TACO1: variants seen among roughly 807,000 people sequenced by gnomAD.
TACO1 encodes translational activator of cytochrome c oxidase 1.
TACO1 carries 13 observed loss-of-function variants against 24.0 expected under a neutral mutation model. That is an observed-to-expected ratio of 0.54 (90% CI 0.35 to 0.86). The LOEUF (loss-of-function observed/expected upper bound fraction) is 0.86. Ranked by LOEUF, TACO1 falls within the 40% of genes least tolerant of loss-of-function variation. The pLI, the probability that TACO1 is intolerant of heterozygous loss-of-function variation, is 0.01. For synonymous variants in TACO1, 149 were observed against 153.5 expected (o/e 0.97, Z 0.22); for missense variants, 352 against 380.1 (o/e 0.93, Z 0.61).
At chr17:63,603,755 C>G (rs11867201) in intron 1 of TACO1, among the ~76,000 whole-genome samples, 1,925 of 151,844 alleles carry the variant, frequency 0.013, 13 homozygotes, top group South Asian at 0.026. Context: ...GTGGCCCACA[C>G]CTGTAATCCC....
At chr17:63,602,090 C>CAAAAAAAAAAA (rs11288092) in intron 1 of TACO1, among the ~76,000 whole-genome samples, 305 of 81,100 alleles carry the variant, frequency 3.8e-3, no homozygotes, top group Non-Finnish European at 4.5e-3. Flanking sequence ...CTAAAAATAA[C>CAAAAAAAAAAA]AAAAAAAAAA....
chr17:63,604,589 T>G lies in TACO1; in HGVS notation c.336T>G (p.Cys112Trp). The stretch of plus-strand genomic sequence containing the variant: ...ACCTGGCCAATATCTTAGAGGTGTG[T>G]CGCAGCAAACATATGCCCAAGTCAA... Reference protein sequence around the residue: ...NSNLANILEVCRSKHMPKSTI... With the variant: ...NSNLANILEVWRSKHMPKSTI... The change falls in exon 2 of 5, where the codon TGT becomes TGG. Residue 112 changes from cysteine (C) to tryptophan (W), a missense_variant. Transcript: ENST00000258975. 1 of 1,614,148 alleles carries G rather than the reference T, an allele frequency of 6.2e-7. No homozygotes were observed. Among genetic ancestry groups the G allele is most frequent in the African/African-American group, 1.3e-5 (1 of 75,014 alleles).
At chr17:63,601,506 C>T (rs2033821576) in intron 1 of TACO1, 143 bp downstream of exon 1, 1 of 907,712 alleles carries the variant, frequency 1.1e-6, no homozygotes, top group Non-Finnish European at 1.7e-6. Context: ...TTGCCCACCT[C>T]ATAAATCCTC....
At position 63,607,826 on chromosome 17, in the gene TACO1, C is replaced by T; in HGVS notation, c.718C>T (p.His240Tyr). The T allele has an allele frequency of 6.2e-7, 1 of 1,614,148 alleles. No individual in the cohort carries two copies. Among genetic ancestry groups the T allele is most frequent in the Non-Finnish European group, 8.5e-7 (1 of 1,180,028 alleles). Reference protein sequence around the residue: ...FKFICDASSLHQVRKKLDSLG... With the variant: ...FKFICDASSLYQVRKKLDSLG... Reference sequence around the variant, plus strand: ...GTTTATTTGTGATGCCTCTTCACTGCACCAAGTGAGGAAGAAGCTGGACTC... The same window carrying T: ...GTTTATTTGTGATGCCTCTTCACTGTACCAAGTGAGGAAGAAGCTGGACTC... The change falls in exon 5 of 5, where the codon CAC becomes TAC. Residue 240 changes from histidine to tyrosine, a missense_variant. Physicochemically the swap from His to Tyr is moderately conservative, Grantham distance 83. Coordinates refer to ENST00000258975, the MANE Select transcript of TACO1 (RefSeq NM_016360.4).
Position 63,607,079 on chromosome 17 carries a change from C to T in TACO1, c.516-208C>T, listed in dbSNP as rs138662502. On this transcript the variant is annotated intron_variant, in intron 3 of 4. Transcript: ENST00000258975. ...AAGTCTGCTTCCTCCCAACTGCAAT[C>T]AGGGCAGAAAATCGAGCGTGGGGAC... is the stretch of plus-strand genomic sequence containing the variant. 152 of 607,344 alleles carry T rather than the reference C, an allele frequency of 2.5e-4. No individual in the cohort carries two copies. In the East Asian group the frequency reaches 3.8e-3, roughly 15 times the overall value. The allele number at this position is 607,344 out of a possible 1,614,324, so 37.6% of individuals were successfully genotyped here. A position where few individuals can be genotyped will look rare whatever the true frequency, so the allele number is the denominator to read the frequency against.
intron 4 of TACO1, 35 bp downstream of exon 4, chr17:63,607,499 C>T (rs1045379520): frequency 1.1e-5 from 18 of 1,611,050 alleles, no homozygotes; most frequent in Admixed American, 5.0e-5. Flanking sequence ...GGTGGGCTTC[C>T]GGGAGGACCC....
chr17:63,605,057 G>A (rs1454073564), intron 2 of TACO1, among the ~76,000 whole-genome samples: 2 of 151,892 alleles, frequency 1.3e-5, no homozygotes, highest in East Asian at 3.9e-4. Flanking sequence ...TAGCAATGTA[G>A]TTGACGCCCT....
chr17:63,607,139 C>A, intron 3 of TACO1, 148 bp from the exon 4 acceptor site: 1 of 772,802 alleles, frequency 1.3e-6, no homozygotes, highest in Non-Finnish European at 2.2e-6. Flanking sequence ...GCAGCAGCTG[C>A]ATTTTCTCCT....
chr17:63,602,283 AG>A (rs2033828514), intron 1 of TACO1, among the ~76,000 whole-genome samples: 1 of 146,896 alleles, frequency 6.8e-6, no homozygotes, highest in Non-Finnish European at 1.5e-5. Flanking sequence ...AAAAAAAAAG[AG>A]AGAGAAACTG....
At chr17:63,602,764 A>G (rs1304623506) in intron 1 of TACO1, among the ~76,000 whole-genome samples, 2 of 151,966 alleles carry the variant, frequency 1.3e-5, no homozygotes, top group African/African-American at 4.8e-5. Context: ...TCCTGACCTC[A>G]AATGATCTAC....
chr17:63,607,999 A>G lies in TACO1; in HGVS notation c.891A>G (p.Glu297=). The G allele has an allele frequency of 6.2e-7, 1 of 1,614,128 alleles. No individual in the cohort carries two copies. Among genetic ancestry groups the G allele is most frequent in the Non-Finnish European group, 8.5e-7 (1 of 1,180,040 alleles). Residue 297 remains glutamate, a synonymous_variant, in exon 5 of 5, where the codon GAA becomes GAG. Transcript: ENST00000258975. ...TGATTCACGTCTATGATAACATTGA[A>G]TAACCAGGCTACATGTGCCCCCGGG... The part of the protein sequence containing the change: ...EDVIHVYDNI[E]
At position 63,601,761 on chromosome 17, in the gene TACO1, G is replaced by C. The variant is rs549297528; in HGVS notation, c.280+398G>C. On this transcript the variant is annotated intron_variant, in intron 1 of 4. Coordinates refer to ENST00000258975, the MANE Select transcript of TACO1 (RefSeq NM_016360.4). ...AAGTACCTTATTGGTTGTGGCAGGGGCACTGAGTAAAGCTATTACTTAAGT... is the reference window on the plus strand; with the variant it reads ...AAGTACCTTATTGGTTGTGGCAGGGCCACTGAGTAAAGCTATTACTTAAGT... Among the ~76,000 whole-genome samples, 5 of 152,260 alleles carry C rather than the reference G, an allele frequency of 3.3e-5. No homozygotes were observed. The South Asian group carries it at 8.3e-4, about 25-fold the overall frequency.
At position 63,607,815 on chromosome 17, in the gene TACO1, C is replaced by T; in HGVS notation, c.707C>T (p.Ala236Val). The change falls in exon 5 of 5, where the codon GCC becomes GTC. Residue 236 changes from alanine (A) to valine (V), a missense_variant. Transcript: ENST00000258975. ...CTTTATCCCTAGTTTATTTGTGATG[C>T]CTCTTCACTGCACCAAGTGAGGAAG... ...ERNVFKFICD[A>V]SSLHQVRKKL... 1 of 1,614,058 alleles carries T rather than the reference C, an allele frequency of 6.2e-7. No homozygotes were observed. Among genetic ancestry groups the T allele is most frequent in the Non-Finnish European group, 8.5e-7 (1 of 1,180,020 alleles).
chr17:63,606,853 G>A, intron 3 of TACO1: 2 of 359,500 alleles, frequency 5.6e-6, no homozygotes, highest in Non-Finnish European at 1.1e-5. Flanking sequence ...CAGGTTTTAA[G>A]CACACTTGCT....
chr17:63,605,044 C>T (rs1355792836), intron 2 of TACO1, among the ~76,000 whole-genome samples: 1 of 151,504 alleles, frequency 6.6e-6, no homozygotes, highest in African/African-American at 2.4e-5. Context: ...TCAGAGAGAA[C>T]GGTAGCAATG....
chr17:63,601,436 G>T, intron 1 of TACO1, 73 bp downstream of exon 1: 1 of 1,536,898 alleles, frequency 6.5e-7, no homozygotes, highest in South Asian at 1.1e-5. Context: ...TTGCCTCTCG[G>T]AATTGGGCCC....
Position 63,604,607 on chromosome 17 carries a change from C to T in TACO1, c.354C>T (p.Pro118=), listed in dbSNP as rs1258783051. 1 of 1,614,088 alleles carries T rather than the reference C, an allele frequency of 6.2e-7. No homozygotes were observed. Among genetic ancestry groups the T allele is most frequent in the Admixed American group, 1.7e-5 (1 of 60,008 alleles). ...ILEVCRSKHM[P]KSTIETALKM... is the part of the protein sequence containing the mutation. ...AGGTGTGTCGCAGCAAACATATGCC[C>T]AAGTCAACGATTGAGACAGCACTGA... The change falls in exon 2 of 5, where the codon CCC becomes CCT. Residue 118 remains proline, a synonymous_variant. Transcript: ENST00000258975.
At chr17:63,606,939 A>G in intron 3 of TACO1, 1 of 399,998 alleles carries the variant, frequency 2.5e-6, no homozygotes, top group Middle Eastern at 7.8e-4. Context: ...AGACTTGTTC[A>G]TCGGATGTAG....
In TACO1 at chr17:63,608,016, G is replaced by A; in HGVS notation, c.*14G>A. On this transcript the variant is annotated 3_prime_UTR_variant, in exon 5 of 5. Transcript: ENST00000258975. The stretch of plus-strand genomic sequence containing the variant: ...AACATTGAATAACCAGGCTACATGT[G>A]CCCCCGGGTTCCTTCCTAGAAATGT... The A allele has an allele frequency of 1.9e-6, 3 of 1,613,684 alleles. No homozygotes were observed. Among genetic ancestry groups the A allele is most frequent in the Non-Finnish European group, 2.5e-6 (3 of 1,179,924 alleles).
Sources: allele counts gnomAD v4.1 joint callset (sites outside exome capture counted in the v4.1 genomes callset), GRCh38; gene constraint gnomAD v4.1.1; transcripts MANE v1.5; gene names NCBI Gene and HGNC (gene_info 2026-07-23, HGNC 2026-07-21).